PIWIL3: variants seen among roughly 807,000 people sequenced by gnomAD.
PIWIL3 encodes the protein piwi like RNA-mediated gene silencing 3, also known as piwi-like protein 3.
PIWIL3 carries 101 observed loss-of-function variants against 109.7 expected under a neutral mutation model. The ratio of observed to expected loss-of-function variants is 0.92; its 90% CI spans 0.78 to 1.09. The LOEUF (loss-of-function observed/expected upper bound fraction) is 1.09. PIWIL3 is among the 50% of genes least tolerant of loss of function. PIWIL3 has a pLI of 0.00. For missense variants in PIWIL3, 1,031 were observed against 1,072.6 expected, an observed-to-expected ratio of 0.96 and a Z score of 0.54; for synonymous variants, 373 against 376.4, an observed-to-expected ratio of 0.99 and a Z score of 0.10.
chr22:24,768,944 A>T (rs1031835090), intron 1 of PIWIL3, among the ~76,000 whole-genome samples: 1 of 152,184 alleles, frequency 6.6e-6, no homozygotes, highest in Admixed American at 6.5e-5. Flanking sequence ...TGGAAGGCTC[A>T]TTTTTGTTCC....
intron 14 of PIWIL3, among the ~76,000 whole-genome samples, chr22:24,728,952 T>G (rs1242389995): frequency 6.6e-6 from 1 of 152,146 alleles, no homozygotes; most frequent in African/African-American, 2.4e-5. Context: ...TAAAATTCTT[T>G]TAAACAGCCT....
At chr22:24,747,515 T>C (rs1282562420) in intron 12 of PIWIL3, among the ~76,000 whole-genome samples, 1 of 152,010 alleles carries the variant, frequency 6.6e-6, no homozygotes, top group Non-Finnish European at 1.5e-5. Flanking sequence ...GAGCAACAAC[T>C]CACAGAATGG....
intron 12 of PIWIL3, 84 bp from the exon 13 acceptor site, chr22:24,735,976 T>G: frequency 1.8e-6 from 2 of 1,106,404 alleles, no homozygotes; most frequent in South Asian, 3.5e-5. Context: ...AAATCCGTGC[T>G]ATCTCCTATA....
chr22:24,762,283 AT>A, intron 2 of PIWIL3, 114 bp downstream of exon 2: 1 of 1,431,142 alleles, frequency 7.0e-7, no homozygotes. Context: ...ATGAACTTTT[AT>A]TAGTCCTCAC....
At chr22:24,729,985 T>A (rs1434193068) in intron 14 of PIWIL3, among the ~76,000 whole-genome samples, 2 of 152,058 alleles carry the variant, frequency 1.3e-5, no homozygotes. Flanking sequence ...GTATTAAATT[T>A]TGATATTTTG....
chr22:24,744,186 A>G (rs1413021614), intron 12 of PIWIL3, among the ~76,000 whole-genome samples: 3 of 145,186 alleles, frequency 2.1e-5, no homozygotes, highest in East Asian at 2.0e-4. Context: ...ATTAAAAAAA[A>G]AAAAAAAAAA....
chr22:24,759,889 C>T lies in PIWIL3; in HGVS notation c.203G>A (p.Gly68Glu). The change falls in exon 3 of 21, where the codon GGA becomes GAA. Residue 68 changes from glycine to glutamate, a missense_variant. By Grantham distance (98) the Gly-to-Glu change is moderately conservative. Transcript: ENST00000616349. ...LQPRAARGGA[G>E]GGAQSQGVKE... ...TTCACCTTGAGACTGTGCTCCTCCT[C>T]CTGCTCCTCCTCTTGCTGCTCTTGG... is the stretch of plus-strand genomic sequence containing the variant. The T allele has an allele frequency of 6.2e-7, 1 of 1,613,694 alleles. No individual in the cohort carries two copies. Among genetic ancestry groups the T allele is most frequent in the Non-Finnish European group, 8.5e-7 (1 of 1,179,630 alleles).
At chr22:24,769,547 G>A (rs5760634) in intron 1 of PIWIL3, 54,799 of 152,066 alleles carry the variant, frequency 0.36, 10,134 homozygotes, top group East Asian at 0.55. Context: ...GGGAGGCAGA[G>A]CTTGCAGTGA....
At chr22:24,758,063 G>C in intron 3 of PIWIL3, 24 bp from the exon 4 acceptor site, 1 of 1,590,480 alleles carries the variant, frequency 6.3e-7, no homozygotes. Flanking sequence ...AACGCCAGAA[G>C]TTTAAACAAT....
chr22:24,766,676 A>G (rs960370050), intron 1 of PIWIL3, among the ~76,000 whole-genome samples: 1 of 152,192 alleles, frequency 6.6e-6, no homozygotes, highest in Non-Finnish European at 1.5e-5. Context: ...TCACAGTTAC[A>G]TCCAGATCCT....
At position 24,744,200 on chromosome 22, in the gene PIWIL3, A is replaced by AC. The variant is rs1569103657; in HGVS notation, c.1449+4706_1449+4707insG. Among the ~76,000 whole-genome samples the AC allele has an allele frequency of 3.4e-5, 5 of 148,710 alleles. No homozygotes were observed. In the East Asian group the frequency reaches 9.7e-4, roughly 29 times the overall value. On this transcript the variant is annotated intron_variant, in intron 12 of 20. Coordinates refer to ENST00000616349, the MANE Select transcript of PIWIL3 (RefSeq NM_001255975.1). ...AATTAAAAAAAAAAAAAAAAAAAAAAAAAAAAACAATGATCTGCTGCCTGC... is the reference window on the plus strand; with the variant it reads ...AATTAAAAAAAAAAAAAAAAAAAAAACAAAAAAACAATGATCTGCTGCCTGC...
intron 16 of PIWIL3, among the ~76,000 whole-genome samples, chr22:24,726,021 C>T (rs1922973553): frequency 6.6e-6 from 1 of 152,142 alleles, no homozygotes; most frequent in African/African-American, 2.4e-5. Flanking sequence ...CCCATCTGAC[C>T]ACCTGACATT....
chr22:24,759,494 G>T (rs1009010998), intron 3 of PIWIL3, among the ~76,000 whole-genome samples: 6 of 152,174 alleles, frequency 3.9e-5, no homozygotes, highest in Admixed American at 3.3e-4. Flanking sequence ...TAACCTGTCA[G>T]CCTGCAATGT....
At chr22:24,743,645 T>C (rs1483995370) in intron 12 of PIWIL3, among the ~76,000 whole-genome samples, 1 of 152,132 alleles carries the variant, frequency 6.6e-6, no homozygotes, top group Non-Finnish European at 1.5e-5. Context: ...GTAAGAATGA[T>C]GCAATGGACT....
chr22:24,765,680 G>A (rs1035502975), intron 1 of PIWIL3, among the ~76,000 whole-genome samples: 16 of 151,738 alleles, frequency 1.1e-4, no homozygotes, highest in African/African-American at 3.9e-4. Flanking sequence ...TGTACTTTAA[G>A]ATACCCATCT....
At chr22:24,741,809 T>C (rs1276543577) in intron 12 of PIWIL3, among the ~76,000 whole-genome samples, 1 of 151,870 alleles carries the variant, frequency 6.6e-6, no homozygotes, top group African/African-American at 2.4e-5. Flanking sequence ...CGGTGAAAAG[T>C]TGAAAGCATT....
At position 24,733,457 on chromosome 22, in the gene PIWIL3, G is replaced by A. The variant is rs189417474; in HGVS notation, c.1707+627C>T. Among the ~76,000 whole-genome samples the A allele has an allele frequency of 8.9e-4, 136 of 152,258 alleles. 1 individual carries two copies. The highest frequency in any genetic ancestry group is 3.4e-3 in the Middle Eastern group (1 of 294). ...TGTAGTCCCAGCACTTTGGGAGGCCGAGGTAGGCAGATCACTGGAGGTCAG... is the reference window on the plus strand; with the variant it reads ...TGTAGTCCCAGCACTTTGGGAGGCCAAGGTAGGCAGATCACTGGAGGTCAG... On this transcript the variant is annotated intron_variant, in intron 14 of 20. Transcript: ENST00000616349.
Position 24,725,434 on chromosome 22 carries a change from A to G in PIWIL3, c.2080+11T>C. The G allele has an allele frequency of 6.2e-7, 1 of 1,613,448 alleles. No homozygotes were observed. Among genetic ancestry groups the G allele is most frequent in the Non-Finnish European group, 8.5e-7 (1 of 1,179,994 alleles). ...TAGTGTCGGGTTCCCCGACCGCTAC[A>G]AGACACTGACCTTTCAAGCAGATCT... On this transcript the variant is annotated intron_variant, in intron 17 of 20. Coordinates refer to ENST00000616349, the MANE Select transcript of PIWIL3 (RefSeq NM_001255975.1).
chr22:24,761,300 T>TAG (rs1231940567), intron 2 of PIWIL3, among the ~76,000 whole-genome samples: 1 of 151,964 alleles, frequency 6.6e-6, no homozygotes, highest in Non-Finnish European at 1.5e-5. Flanking sequence ...CAAGAGGCCA[T>TAG]AGAGGAGAAC....
Sources: allele counts gnomAD v4.1 joint callset (sites outside exome capture counted in the v4.1 genomes callset), GRCh38; gene constraint gnomAD v4.1.1; transcripts MANE v1.5; gene names NCBI Gene and HGNC (gene_info 2026-07-23, HGNC 2026-07-21).